Variants in ADGRL3 observed in about 807,000 individuals in gnomAD.
ADGRL3 encodes the protein adhesion G protein-coupled receptor L3.
A neutral mutation model predicts 153.5 loss-of-function variants in ADGRL3; 62 were observed. The ratio of observed to expected loss-of-function variants is 0.40; its 90% CI spans 0.33 to 0.50. ADGRL3 has a LOEUF of 0.50. Among genes scored for constraint, ADGRL3 ranks in the 20% least tolerant of loss-of-function variants. The pLI is 0.47. For missense variants in ADGRL3, 1,641 were observed against 1,859.4 expected (o/e 0.88, Z 2.16); for synonymous variants, 710 against 672.5 (o/e 1.06, Z -0.86).
At chr4:61,725,449 G>A (rs1004861588) in intron 6 of ADGRL3, among the ~76,000 whole-genome samples, 8 of 151,972 alleles carry the variant, frequency 5.3e-5, no homozygotes, top group African/African-American at 1.9e-4. Flanking sequence ...AACAAAATTA[G>A]CCAGGCGTGG....
At chr4:61,637,473 G>A (rs759981654) in intron 5 of ADGRL3, among the ~76,000 whole-genome samples, 3 of 152,086 alleles carry the variant, frequency 2.0e-5, no homozygotes, top group Non-Finnish European at 4.4e-5. Flanking sequence ...TAAGTAAAAG[G>A]TCAGTAGAGG....
At chr4:62,026,788 A>C (rs1270620265) in intron 21 of ADGRL3, among the ~76,000 whole-genome samples, 1 of 152,016 alleles carries the variant, frequency 6.6e-6, no homozygotes, top group Non-Finnish European at 1.5e-5. Context: ...CTAAATGAGT[A>C]GATTTTAGCT....
chr4:61,974,520 T>G (rs1037701526), intron 17 of ADGRL3, among the ~76,000 whole-genome samples: 1 of 152,164 alleles, frequency 6.6e-6, no homozygotes, highest in African/African-American at 2.4e-5. Context: ...TACATTCAGA[T>G]TTAAAAAAGT....
rs112333909 is a variant in ADGRL3 at position 61,610,982 on chromosome 4, C to T, written c.473+23542C>T. Among the ~76,000 whole-genome samples, 41 of 152,170 alleles carry T rather than the reference C, an allele frequency of 2.7e-4. 1 individual carries two copies. Among genetic ancestry groups the T allele is most frequent in the African/African-American group, 6.3e-4 (26 of 41,538 alleles). ...AAAATATTGTCTTTCTTTCCCCACA[C>T]GAGACCATTATGTCAAAATGTTAAT... On this transcript the variant is annotated intron_variant, in intron 5 of 26. Coordinates refer to ENST00000683033, the MANE Select transcript of ADGRL3 (RefSeq NM_001387552.1).
intron 5 of ADGRL3, among the ~76,000 whole-genome samples, chr4:61,621,636 G>A (rs962279220): frequency 7.9e-5 from 12 of 151,898 alleles, no homozygotes; most frequent in African/African-American, 2.9e-4. Context: ...GTAAATAACT[G>A]TTCTCGGTTT....
intron 9 of ADGRL3, among the ~76,000 whole-genome samples, chr4:61,886,384 A>T (rs542553925): frequency 6.6e-6 from 1 of 152,220 alleles, no homozygotes; most frequent in Admixed American, 6.5e-5. Flanking sequence ...TTTCTTCAGT[A>T]GTGGACTTTG....
chr4:61,216,789 G>A (rs11131308), intron 1 of ADGRL3, among the ~76,000 whole-genome samples: 92,492 of 151,980 alleles, frequency 0.61, 28,715 homozygotes, highest in Middle Eastern at 0.69. Context: ...TCACTTCTCC[G>A]TGCCTCATTT....
At chr4:62,059,595 T>A (rs536293442) in intron 25 of ADGRL3, among the ~76,000 whole-genome samples, 2 of 152,206 alleles carry the variant, frequency 1.3e-5, no homozygotes, top group East Asian at 3.9e-4. Context: ...TTTTTATAAG[T>A]GTTTATATGG....
chr4:61,688,954 G>T (rs1279110072), intron 6 of ADGRL3, among the ~76,000 whole-genome samples: 1 of 152,004 alleles, frequency 6.6e-6, no homozygotes, highest in African/African-American at 2.4e-5. Context: ...TTCTTGTTTA[G>T]TTATTTATTT....
intron 2 of ADGRL3, among the ~76,000 whole-genome samples, chr4:61,418,195 T>C (rs2097165358): frequency 6.6e-6 from 1 of 152,212 alleles, no homozygotes; most frequent in Admixed American, 6.5e-5. Flanking sequence ...TCAACAACTT[T>C]CTCTTATATT....
chr4:62,003,503 T>TA (rs1325820625), intron 21 of ADGRL3, among the ~76,000 whole-genome samples: 3 of 152,146 alleles, frequency 2.0e-5, no homozygotes, highest in African/African-American at 7.2e-5. Flanking sequence ...GTCTGGGTCT[T>TA]ACTTTCTTCT....
intron 11 of ADGRL3, among the ~76,000 whole-genome samples, chr4:61,899,668 AAACAAACC>A (rs2098653041): frequency 6.6e-6 from 1 of 152,200 alleles, no homozygotes; most frequent in Admixed American, 6.5e-5. Flanking sequence ...ACAAACAAAC[AAACAAACC>A]AACCATAGAC....
At position 61,939,475 on chromosome 4, in the gene ADGRL3, CT is replaced by C. The variant is rs1466839990; in HGVS notation, c.2419+3442del. ...ACAAAATTTGCCAGTTTTTTTTTTT[CT>C]TTTTTTTTTTTGAGACGGAGTCTCA... On this transcript the variant is annotated intron_variant, in intron 15 of 26. Coordinates refer to ENST00000683033, the MANE Select transcript of ADGRL3 (RefSeq NM_001387552.1). Among the ~76,000 whole-genome samples the C allele has an allele frequency of 5.9e-4, 80 of 136,066 alleles. 1 individual carries two copies. The highest frequency in any genetic ancestry group is 9.5e-4 in the Admixed American group (13 of 13,632). The allele number at this position is 136,066 out of a possible 152,430, so 89.3% of individuals were successfully genotyped here.
chr4:61,415,875 A>G (rs2097139175), intron 2 of ADGRL3, among the ~76,000 whole-genome samples: 1 of 152,104 alleles, frequency 6.6e-6, no homozygotes, highest in South Asian at 2.1e-4. Flanking sequence ...GGGAGCCTAG[A>G]TGATGGCATT....
chr4:62,031,353 T>C, intron 22 of ADGRL3, 89 bp from the exon 23 acceptor site: 1 of 1,083,402 alleles, frequency 9.2e-7, no homozygotes, highest in Non-Finnish European at 1.3e-6. Context: ...TACTGTAACA[T>C]TTTTTTCAGT....
chr4:61,564,419 T>G (rs2098808459), intron 4 of ADGRL3, among the ~76,000 whole-genome samples: 1 of 152,038 alleles, frequency 6.6e-6, no homozygotes, highest in Admixed American at 6.6e-5. Flanking sequence ...GGACTACAGG[T>G]GCACACCACA....
chr4:61,831,310 C>G (rs371145169), intron 9 of ADGRL3, among the ~76,000 whole-genome samples: 2 of 148,754 alleles, frequency 1.3e-5, no homozygotes, highest in South Asian at 4.3e-4. Flanking sequence ...AAGTCATTAA[C>G]TTCTCTGCCA....
intron 3 of ADGRL3, among the ~76,000 whole-genome samples, chr4:61,499,231 A>G (rs987868350): frequency 1.3e-5 from 2 of 152,236 alleles, no homozygotes; most frequent in African/African-American, 4.8e-5. Flanking sequence ...GATGCAACAT[A>G]TTTAGTTCTA....
At chr4:61,437,053 T>G (rs374045129) in intron 2 of ADGRL3, among the ~76,000 whole-genome samples, 1 of 152,160 alleles carries the variant, frequency 6.6e-6, no homozygotes, top group East Asian at 1.9e-4. Flanking sequence ...TAAATAATAC[T>G]GAGTTATATA....
Sources: allele counts gnomAD v4.1 joint callset (sites outside exome capture counted in the v4.1 genomes callset), GRCh38; gene constraint gnomAD v4.1.1; transcripts MANE v1.5; gene names NCBI Gene and HGNC (gene_info 2026-07-23, HGNC 2026-07-21).